Variants in DMXL1 observed in about 807,000 individuals in gnomAD.
The protein encoded by DMXL1 is Dmx like 1.
DMXL1 carries 99 observed loss-of-function variants against 319.2 expected under a neutral mutation model. The observed-to-expected ratio is 0.31, with a 90% CI of 0.26 to 0.37. DMXL1 has a LOEUF of 0.37. Ranked by LOEUF, DMXL1 falls within the 10% of genes least tolerant of loss-of-function variation. The pLI, the probability that DMXL1 is intolerant of heterozygous loss-of-function variation, is 1.00. For synonymous variants in DMXL1, 1,385 were observed against 1,235.2 expected (o/e 1.12, Z -2.54); for missense variants, 3,745 against 3,595.6 (o/e 1.04, Z -1.06).
At chr5:119,157,016 T>TC (rs1434312628) in intron 19 of DMXL1, among the ~76,000 whole-genome samples, 1 of 149,038 alleles carries the variant, frequency 6.7e-6, no homozygotes, top group African/African-American at 2.5e-5. Context: ...CCCCTCTGGT[T>TC]TTTTTTTTTT....
intron 1 of DMXL1, among the ~76,000 whole-genome samples, chr5:119,093,998 A>T (rs545956766): frequency 6.6e-6 from 1 of 152,372 alleles, no homozygotes; most frequent in East Asian, 1.9e-4. Flanking sequence ...ATAAGAAAAG[A>T]AGTCATCTTT....
chr5:119,099,470 A>T (rs1018296506), intron 2 of DMXL1, among the ~76,000 whole-genome samples: 4 of 152,236 alleles, frequency 2.6e-5, no homozygotes, highest in African/African-American at 9.6e-5. Flanking sequence ...TGGCCTCCCA[A>T]AGTGCTGGGA....
At chr5:119,187,170 T>A (rs1211614765) in intron 28 of DMXL1, among the ~76,000 whole-genome samples, 2 of 152,188 alleles carry the variant, frequency 1.3e-5, no homozygotes, top group Non-Finnish European at 2.9e-5. Context: ...AATGCCTTAG[T>A]TTTTCTTCAG....
chr5:119,074,766 G>T (rs1488079924), intron 1 of DMXL1, among the ~76,000 whole-genome samples: 2 of 152,142 alleles, frequency 1.3e-5, no homozygotes, highest in Non-Finnish European at 2.9e-5. Context: ...GTCTTGCCTT[G>T]TGGATTGTAT....
Position 119,129,395 on chromosome 5 carries a change from T to G in DMXL1, c.1287T>G (p.Ser429=). The change falls in exon 10 of 44, where the codon TCT becomes TCG. Residue 429 remains serine (S), a synonymous_variant. Transcript: ENST00000539542. ...CTTCTGAGGCCAGTGTAGAAGATTC[T>G]AATCAGGCAGATGTAAAATCTGATG... ...QPSSEASVED[S]NQADVKSDEE... 6.2e-7 allele frequency: 1 copy of G among 1,610,888 alleles called. No individual in the cohort carries two copies. The highest frequency in any genetic ancestry group is 8.5e-7 in the Non-Finnish European group (1 of 1,179,176).
In DMXL1 at chr5:119,143,917, C is replaced by A; in HGVS notation, c.2453C>A (p.Pro818His). 1 of 1,567,678 alleles carries A rather than the reference C, an allele frequency of 6.4e-7. No homozygotes were observed. The highest frequency in any genetic ancestry group is 8.6e-7 in the Non-Finnish European group (1 of 1,157,854). The change falls in exon 14 of 44, where the codon CCC (proline) becomes CAC (histidine). Residue 818 changes from proline to histidine, a missense_variant. Physicochemically the swap from Pro to His is moderately conservative, Grantham distance 77 (BLOSUM62 -2). This residue lies in a region of DMXL1 where 2,096 missense variants were observed against 1,985.4 expected (regional missense o/e 1.06). Coordinates refer to ENST00000539542, the MANE Select transcript of DMXL1 (RefSeq NM_001290321.3). ...CCAGGATGCATTATTGCATTAGATC[C>A]CATTACCAAACTTGTAAGTATTAAT... is the stretch of plus-strand genomic sequence containing the variant. ...ARPGCIIALD[P>H]ITKLHGRKTQ...
In DMXL1 at chr5:119,240,855, G is replaced by GAAGAAATAAAACTGTC. The variant is rs746552406; in HGVS notation, c.8704+385_8704+400dup. Among the ~76,000 whole-genome samples the GAAGAAATAAAACTGTC allele has an allele frequency of 1.1e-3, 170 of 152,220 alleles. 1 individual carries two copies. The Middle Eastern group carries it at 0.024, about 21-fold the overall frequency. ...AAATAAAATGTATATAAATGGAAGG[G>GAAGAAATAAAACTGTC]AAGAAATAAAACTGTCTTTATTCAC... On this transcript the variant is annotated intron_variant, in intron 42 of 43. Coordinates refer to ENST00000539542, the MANE Select transcript of DMXL1 (RefSeq NM_001290321.3).
chr5:119,247,328 T>A lies in DMXL1; in HGVS notation c.*109T>A, dbSNP rs1467228117. The A allele has an allele frequency of 2.0e-5, 16 of 783,740 alleles. No homozygotes were observed. The allele number at this position is 783,740 out of a possible 1,614,324, so 48.5% of individuals were successfully genotyped here. A position where few individuals can be genotyped will look rare whatever the true frequency, so the allele number is the denominator to read the frequency against. On this transcript the variant is annotated 3_prime_UTR_variant, in exon 44 of 44. Transcript: ENST00000539542. ...CAAATTAGCTAATGCTTTCTTGTTT[T>A]TATATTTATTTTATGGAGCTTTGCC...
At chr5:119,081,516 A>G in intron 1 of DMXL1, 4 of 945,632 alleles carry the variant, frequency 4.2e-6, no homozygotes, top group Non-Finnish European at 5.0e-6. Context: ...ACATCTTCAC[A>G]CTTAAGTCAA....
intron 43 of DMXL1, among the ~76,000 whole-genome samples, chr5:119,245,957 A>C (rs1286583819): frequency 6.6e-6 from 1 of 152,194 alleles, no homozygotes; most frequent in Non-Finnish European, 1.5e-5. Flanking sequence ...TAACAAATTC[A>C]TATGCAGGGT....
intron 13 of DMXL1, among the ~76,000 whole-genome samples, chr5:119,140,343 T>A (rs898483590): frequency 2.0e-5 from 3 of 152,118 alleles, no homozygotes; most frequent in Admixed American, 6.5e-5. Flanking sequence ...AATGGCTGTT[T>A]GAAAAGATTA....
At chr5:119,159,646 A>C (rs1771837735) in intron 19 of DMXL1, among the ~76,000 whole-genome samples, 1 of 152,168 alleles carries the variant, frequency 6.6e-6, no homozygotes, top group South Asian at 2.1e-4. Flanking sequence ...ATTTATTGAG[A>C]TAGAGTCTTG....
intron 13 of DMXL1, among the ~76,000 whole-genome samples, chr5:119,139,239 C>T (rs1017542200): frequency 6.6e-6 from 1 of 151,916 alleles, no homozygotes; most frequent in Non-Finnish European, 1.5e-5. Context: ...GCATAGTAAC[C>T]AGCTAACAAC....
At chr5:119,173,668 A>ATGTGTGTGTGTGTGTGTGTGTGTGTG (rs1461681311) in intron 25 of DMXL1, among the ~76,000 whole-genome samples, 5 of 100,464 alleles carry the variant, frequency 5.0e-5, no homozygotes, top group African/African-American at 1.5e-4. Flanking sequence ...AATCAGTAGG[A>ATGTGTGTGTGTGTGTGTGTGTGTGTG]TGTATGTGTG....
intron 13 of DMXL1, among the ~76,000 whole-genome samples, chr5:119,139,798 T>G (rs1162915729): frequency 1.3e-5 from 2 of 152,146 alleles, no homozygotes; most frequent in Non-Finnish European, 2.9e-5. Flanking sequence ...TGCAGAACTC[T>G]CCACCCAAAA....
intron 43 of DMXL1, among the ~76,000 whole-genome samples, chr5:119,246,691 TG>T (rs1242605302): frequency 7.0e-6 from 1 of 143,880 alleles, no homozygotes; most frequent in African/African-American, 2.6e-5. Flanking sequence ...TGGAGCGCAA[TG>T]GTGTGATCTT....
chr5:119,101,226 G>A (rs2149797086), intron 2 of DMXL1, among the ~76,000 whole-genome samples: 1 of 152,258 alleles, frequency 6.6e-6, no homozygotes, highest in South Asian at 2.1e-4. Flanking sequence ...GAATTCAGAA[G>A]CCTTAAAATA....
rs1280017601 is a variant in DMXL1, at chr5:119,101,949, T to C, written c.228T>C (p.Tyr76=). The part of the protein sequence containing the change: ...SMQQGKIAAS[Y]GNVISIFEPV... Reference sequence around the variant, plus strand: ...CTTTTTAAAAGATTGCAGCGTCTTATGGAAATGTTATCTCCATTTTTGAAC... The same window carrying C: ...CTTTTTAAAAGATTGCAGCGTCTTACGGAAATGTTATCTCCATTTTTGAAC... Residue 76 remains tyrosine, a synonymous_variant, in exon 3 of 44, where the codon TAT becomes TAC. Transcript: ENST00000539542. 8 of 1,604,072 alleles carry C rather than the reference T, an allele frequency of 5.0e-6. No homozygotes were observed. The highest frequency in any genetic ancestry group is 3.4e-5 in the South Asian group (3 of 88,404).
Position 119,133,594 on chromosome 5 carries a change from T to C in DMXL1, c.1670T>C (p.Leu557Ser). 1 of 1,614,226 alleles carries C rather than the reference T, an allele frequency of 6.2e-7. No homozygotes were observed. The highest frequency in any genetic ancestry group is 8.5e-7 in the Non-Finnish European group (1 of 1,180,042). ...TATGCCTGTACCAAGAATGTTGACT[T>C]GGCTATTCAGCAGGGGAAACAAAAA... ...MMYACTKNVD[L>S]AIQQGKQKPS... Residue 557 changes from leucine (L) to serine (S), a missense_variant, in exon 12 of 44, where the codon TTG (leucine) becomes TCG (serine). Coordinates refer to ENST00000539542, the MANE Select transcript of DMXL1 (RefSeq NM_001290321.3).
Sources: allele counts gnomAD v4.1 joint callset (sites outside exome capture counted in the v4.1 genomes callset), GRCh38; gene constraint gnomAD v4.1.1; regional missense constraint gnomAD v4.1.1; transcripts MANE v1.5; gene names NCBI Gene and HGNC (gene_info 2026-07-23, HGNC 2026-07-21).